CRNKL1: variants seen among roughly 807,000 people sequenced by gnomAD.
CRNKL1 encodes crooked neck-like protein 1.
CRNKL1 carries 35 observed loss-of-function variants against 103.7 expected under a neutral mutation model. The ratio of observed to expected loss-of-function variants is 0.34; its 90% confidence interval spans 0.26 to 0.45. The LOEUF is 0.45. Ranked by LOEUF, CRNKL1 falls within the 20% of genes least tolerant of loss-of-function variation. CRNKL1 has a pLI of 1.00. For synonymous variants in CRNKL1, 267 were observed against 282.6 expected (o/e 0.94, Z 0.55); for missense variants, 645 against 836.0 (o/e 0.77, Z 2.82).
intron 2 of CRNKL1, among the ~76,000 whole-genome samples, chr20:20,050,254 C>T (rs565762179): frequency 6.6e-6 from 1 of 152,340 alleles, no homozygotes; most frequent in East Asian, 1.9e-4. Flanking sequence ...AAAAATTATG[C>T]AGATTCAATT....
Position 20,042,335 on chromosome 20 carries a change from A to T in CRNKL1, c.1154T>A (p.Leu385Ter). Residue 385 changes from leucine to a stop codon, truncating the protein, a stop_gained, in exon 8 of 14, where the codon TTG (leucine) becomes TAG (stop). Coordinates refer to ENST00000536226, the MANE Select transcript of CRNKL1 (RefSeq NM_001278628.2). LOFTEE classifies it high-confidence loss of function. ...ATTCTGTTTTTTCACCTTTGCCTCC[A>T]ATTCTTCATAGAGTGCATAGTTGAT... ...LWINYALYEELEAKDPERTRQ... is the reference protein window; with the variant it reads ...LWINYALYEE The T allele has an allele frequency of 6.3e-7, 1 of 1,586,840 alleles. No homozygotes were observed. The highest frequency in any genetic ancestry group is 8.6e-7 in the Non-Finnish European group (1 of 1,168,132).
chr20:20,038,663 G>A, intron 11 of CRNKL1: 2 of 432,182 alleles, frequency 4.6e-6, no homozygotes, highest in Non-Finnish European at 4.1e-6. Context: ...AAAGGGCCTT[G>A]GATTCAGTCT....
intron 12 of CRNKL1, among the ~76,000 whole-genome samples, chr20:20,037,777 A>G (rs913928776): frequency 2.6e-5 from 4 of 152,242 alleles, no homozygotes; most frequent in Admixed American, 1.3e-4. Context: ...TGTCTGACAT[A>G]GTCTTAAACT....
chr20:20,050,960 A>G (rs1161670821), intron 1 of CRNKL1, among the ~76,000 whole-genome samples: 1 of 152,248 alleles, frequency 6.6e-6, no homozygotes, highest in Non-Finnish European at 1.5e-5. Context: ...CAAAATGTGT[A>G]GCACATCTTA....
At chr20:20,037,611 A>T (rs369441354) in intron 12 of CRNKL1, 40 bp from the exon 13 acceptor site, 222 of 1,586,198 alleles carry the variant, frequency 1.4e-4, no homozygotes, top group Non-Finnish European at 1.9e-4. Flanking sequence ...TAACCATATC[A>T]CTCAGAAGAT....
Position 20,041,603 on chromosome 20 carries a change from A to C in CRNKL1, c.1187T>G (p.Val396Gly). ...EAKDPERTRQ[V>G]YQASLELIPH... is the part of the protein sequence containing the mutation. Reference sequence around the variant, plus strand: ...AATTAGTTCCAAAGAGGCTTGATACACCTGTCTTGTCCTCTCAGGATCCTG... The same window carrying C: ...AATTAGTTCCAAAGAGGCTTGATACCCCTGTCTTGTCCTCTCAGGATCCTG... Residue 396 changes from valine to glycine, a missense_variant, in exon 9 of 14, where the codon GTG becomes GGG. By Grantham distance (109) the Val-to-Gly change is moderately radical. Around this residue, in one of 2 missense-constraint regions of CRNKL1, gnomAD observed 582 missense variants for 707.7 expected, o/e 0.82. Coordinates refer to ENST00000536226, the MANE Select transcript of CRNKL1 (RefSeq NM_001278628.2). 6.2e-7 allele frequency: 1 copy of C among 1,613,570 alleles called. No homozygotes were observed. Among genetic ancestry groups the C allele is most frequent in the African/African-American group, 1.3e-5 (1 of 75,038 alleles).
chr20:20,039,397 T>G (rs1047026457), intron 11 of CRNKL1, among the ~76,000 whole-genome samples: 2 of 152,122 alleles, frequency 1.3e-5, no homozygotes, highest in African/African-American at 4.8e-5. Context: ...CTGGGCATCA[T>G]CCTGGATGTC....
intron 5 of CRNKL1, 38 bp from the exon 6 acceptor site, chr20:20,045,524 T>C (rs371939149): frequency 4.5e-6 from 7 of 1,549,710 alleles, no homozygotes; most frequent in African/African-American, 1.4e-5. Flanking sequence ...CAAAACAGCA[T>C]GGCTTAAAAA....
chr20:20,042,207 A>T, intron 8 of CRNKL1, 118 bp downstream of exon 8: 1 of 899,148 alleles, frequency 1.1e-6, no homozygotes. Context: ...ACAGAAGCCT[A>T]TAAAAATTTA....
chr20:20,049,913 G>A (rs2146504126), intron 2 of CRNKL1, among the ~76,000 whole-genome samples: 1 of 151,944 alleles, frequency 6.6e-6, no homozygotes, highest in Non-Finnish European at 1.5e-5. Flanking sequence ...TGCCTCCCGA[G>A]TTGCTGTGAT....
chr20:20,048,650 C>G (rs2043633013), intron 3 of CRNKL1, 149 bp from the exon 4 acceptor site: 1 of 678,008 alleles, frequency 1.5e-6, no homozygotes. Context: ...ATATAATGCT[C>G]TCAAGTACCT....
chr20:20,049,289 CTG>C (rs1244031006), intron 3 of CRNKL1, 49 bp downstream of exon 3: 6 of 1,004,638 alleles, frequency 6.0e-6, no homozygotes, highest in Non-Finnish European at 9.1e-6. Context: ...TTTTTGGTAT[CTG>C]TTAATCTATG....
chr20:20,046,008 GA>G (rs1217843424), intron 5 of CRNKL1, among the ~76,000 whole-genome samples: 1 of 151,872 alleles, frequency 6.6e-6, no homozygotes, highest in African/African-American at 2.4e-5. Context: ...TAATAATTAA[GA>G]AAAAAACATG....
At chr20:20,053,391 C>G (rs759580243), upstream of CRNKL1, among the ~76,000 whole-genome samples, 2 of 152,158 alleles carry the variant, frequency 1.3e-5, no homozygotes, top group Non-Finnish European at 2.9e-5. Context: ...TCCACCAGAG[C>G]AGTACATTTG....
chr20:20,039,936 TGAG>T, intron 10 of CRNKL1, 88 bp from the exon 11 acceptor site: 1 of 1,372,856 alleles, frequency 7.3e-7, no homozygotes. Context: ...TGTTCTCTGC[TGAG>T]GAAGAATCTT....
upstream of CRNKL1, among the ~76,000 whole-genome samples, chr20:20,053,005 A>T (rs1320807303): frequency 6.6e-6 from 1 of 152,250 alleles, no homozygotes; most frequent in Non-Finnish European, 1.5e-5. Context: ...TTAGGAAAAA[A>T]TATAAATAGA....
intron 10 of CRNKL1, among the ~76,000 whole-genome samples, chr20:20,040,054 G>A (rs1424118837): frequency 1.3e-5 from 2 of 152,206 alleles, no homozygotes; most frequent in African/African-American, 2.4e-5. Flanking sequence ...TCAGCAAGAG[G>A]CAGTGTTCCA....
In CRNKL1 at chr20:20,039,680, G is replaced by C. The variant is rs1325109185; in HGVS notation, c.1474C>G (p.Leu492Val). The C allele has an allele frequency of 3.7e-6, 6 of 1,614,142 alleles. No homozygotes were observed. Among genetic ancestry groups the C allele is most frequent in the Non-Finnish European group, 5.1e-6 (6 of 1,180,024 alleles). Residue 492 changes from leucine to valine, a missense_variant, in exon 11 of 14, where the codon CTT (leucine) becomes GTT (valine). Leu to Val is a conservative substitution (Grantham distance 32). Transcript: ENST00000536226. Reference sequence around the variant, plus strand: ...GCCCGTGCTCTGTCAATATCACCAAGGATTGTCTCTAATTCAGCGAATTTA... The same window carrying C: ...GCCCGTGCTCTGTCAATATCACCAACGATTGTCTCTAATTCAGCGAATTTA... Reference protein sequence around the residue: ...WIKFAELETILGDIDRARAIY... With the variant: ...WIKFAELETIVGDIDRARAIY...
chr20:20,042,366 G>C lies in CRNKL1; in HGVS notation c.1123C>G (p.Leu375Val), dbSNP rs1035672020. The change falls in exon 8 of 14, where the codon CTT (leucine) becomes GTT (valine). Residue 375 changes from leucine to valine, a missense_variant. Physicochemically the swap from Leu to Val is conservative, Grantham distance 32. Around this residue, in one of 2 missense-constraint regions of CRNKL1, gnomAD observed 582 missense variants for 707.7 expected, o/e 0.82. Coordinates refer to ENST00000536226, the MANE Select transcript of CRNKL1 (RefSeq NM_001278628.2). ...TCATAGAGTGCATAGTTGATCCAAAGATAAATGTAGCGCTTCCAGTGCCTC... is the reference window on the plus strand; with the variant it reads ...TCATAGAGTGCATAGTTGATCCAAACATAAATGTAGCGCTTCCAGTGCCTC... ...EKRHWKRYIY[L>V]WINYALYEEL... is the part of the protein sequence containing the mutation. The C allele has an allele frequency of 2.5e-6, 4 of 1,613,556 alleles. No homozygotes were observed. The highest frequency in any genetic ancestry group is 1.1e-5 in the South Asian group (1 of 90,958).
Sources: allele counts gnomAD v4.1 joint callset (sites outside exome capture counted in the v4.1 genomes callset), GRCh38; gene constraint gnomAD v4.1.1; regional missense constraint gnomAD v4.1.1; transcripts MANE v1.5; gene names NCBI Gene and HGNC (gene_info 2026-07-23, HGNC 2026-07-21).